The following SHISA9 variants were observed in gnomAD, a reference collection of about 807,000 sequenced individuals.
SHISA9 encodes protein shisa-9.
Under a neutral mutation model 38.0 loss-of-function variants are expected in SHISA9, and 13 were observed. The observed-to-expected ratio is 0.34, with a 90% confidence interval of 0.22 to 0.54. The LOEUF is 0.54. Among genes scored for constraint, SHISA9 ranks in the 20% least tolerant of loss-of-function variants. SHISA9 has a pLI of 0.91. For synonymous variants in SHISA9, 275 were observed against 242.0 expected, an observed-to-expected ratio of 1.14 and a Z score of -1.27; for missense variants, 538 against 575.8, an observed-to-expected ratio of 0.93 and a Z score of 0.67.
intron 2 of SHISA9, among the ~76,000 whole-genome samples, chr16:12,984,852 G>A (rs1353726565): frequency 6.6e-6 from 1 of 152,172 alleles, no homozygotes; most frequent in Admixed American, 6.5e-5. Flanking sequence ...AGTCTGTACG[G>A]CCTGAGGTGC....
At chr16:13,299,830 A>C in the SHISA9 span, among the ~76,000 whole-genome samples, 2 of 152,164 alleles carry the variant, frequency 1.3e-5, no homozygotes, top group African/African-American at 4.8e-5. Flanking sequence ...ACTCCCTGCT[A>C]CGTGTGCATG....
At chr16:13,311,662 A>G in the SHISA9 span, among the ~76,000 whole-genome samples, 1 of 152,120 alleles carries the variant, frequency 6.6e-6, no homozygotes, top group East Asian at 1.9e-4. Context: ...ACTCCAGACT[A>G]TCTGTATTTA....
At chr16:13,405,809 CT>C in the SHISA9 span, among the ~76,000 whole-genome samples, 2 of 151,880 alleles carry the variant, frequency 1.3e-5, no homozygotes, top group African/African-American at 4.8e-5. Flanking sequence ...TGATTTTATT[CT>C]TTTTTATGGC....
At chr16:13,366,517 C>T in the SHISA9 span, among the ~76,000 whole-genome samples, 1 of 152,108 alleles carries the variant, frequency 6.6e-6, no homozygotes, top group Non-Finnish European at 1.5e-5. Context: ...ATCAATGCTG[C>T]CCATACCTAG....
At chr16:12,933,763 C>T (rs1318819903) in intron 2 of SHISA9, among the ~76,000 whole-genome samples, 1 of 152,004 alleles carries the variant, frequency 6.6e-6, no homozygotes. Flanking sequence ...CACATTCATT[C>T]AACAAATCTT....
chr16:13,119,589 TA>T (rs2074065552), intron 2 of SHISA9, among the ~76,000 whole-genome samples: 1 of 152,214 alleles, frequency 6.6e-6, no homozygotes. Context: ...TAATCATTAA[TA>T]ATCACGAATA....
At chr16:12,986,439 G>T (rs1170708765) in intron 2 of SHISA9, among the ~76,000 whole-genome samples, 1 of 152,124 alleles carries the variant, frequency 6.6e-6, no homozygotes, top group Non-Finnish European at 1.5e-5. Context: ...CAAGTATTTT[G>T]TGTTTTGTGG....
At chr16:13,132,164 A>G (rs139616282) in intron 2 of SHISA9, among the ~76,000 whole-genome samples, 217 of 152,280 alleles carry the variant, frequency 1.4e-3, no homozygotes, top group African/African-American at 4.7e-3. Context: ...GAGGCAGACA[A>G]TCGAGGTGTG....
intron 2 of SHISA9, among the ~76,000 whole-genome samples, chr16:12,947,519 G>C (rs1031292749): frequency 2.6e-5 from 4 of 152,176 alleles, no homozygotes; most frequent in African/African-American, 9.7e-5. Flanking sequence ...GCAGCAAAAG[G>C]AGAAAAGGAT....
the SHISA9 span, among the ~76,000 whole-genome samples, chr16:13,271,885 C>T: frequency 6.6e-6 from 1 of 151,882 alleles, no homozygotes; most frequent in African/African-American, 2.4e-5. Context: ...AGTTCGAGAC[C>T]AGCCTGAACA....
chr16:13,006,569 T>C (rs757568366), intron 2 of SHISA9, among the ~76,000 whole-genome samples: 1 of 152,242 alleles, frequency 6.6e-6, no homozygotes, highest in African/African-American at 2.4e-5. Context: ...TGTTCATTAT[T>C]GTATTGCCAG....
At chr16:13,386,376 C>T in the SHISA9 span, among the ~76,000 whole-genome samples, 17 of 152,214 alleles carry the variant, frequency 1.1e-4, no homozygotes, top group East Asian at 9.6e-4. Flanking sequence ...TACTTTAATG[C>T]GAGTTCTATG....
chr16:13,223,800 G>T (rs1365864036), intron 4 of SHISA9, among the ~76,000 whole-genome samples: 2 of 152,188 alleles, frequency 1.3e-5, no homozygotes, highest in South Asian at 4.1e-4. Context: ...GAGGGCATGT[G>T]CAGAGGAATT....
chr16:13,336,561 C>T, the SHISA9 span, among the ~76,000 whole-genome samples: 89 of 152,318 alleles, frequency 5.8e-4, no homozygotes, highest in Non-Finnish European at 1.1e-3. Context: ...TTGGAGGTTA[C>T]ATTCTCTCCT....
At chr16:12,967,121 G>T (rs917448113) in intron 2 of SHISA9, among the ~76,000 whole-genome samples, 1 of 152,192 alleles carries the variant, frequency 6.6e-6, no homozygotes, top group Non-Finnish European at 1.5e-5. Flanking sequence ...TATGTTTATT[G>T]CCGCACTATT....
chr16:13,339,760 G>C, the SHISA9 span, among the ~76,000 whole-genome samples: 11 of 152,156 alleles, frequency 7.2e-5, no homozygotes, highest in African/African-American at 2.4e-4. Context: ...AGTTTGTTGA[G>C]TAACCTGCTC....
At chr16:13,517,290 C>T in the SHISA9 span, among the ~76,000 whole-genome samples, 193 of 152,234 alleles carry the variant, frequency 1.3e-3, no homozygotes, top group African/African-American at 4.4e-3. Context: ...AAAGGAACTA[C>T]CCTGAAGATA....
the SHISA9 span, among the ~76,000 whole-genome samples, chr16:13,535,630 G>T: frequency 2.0e-5 from 3 of 152,156 alleles, no homozygotes; most frequent in African/African-American, 7.2e-5. Context: ...TTACTGTTTG[G>T]CTCCTTGCAA....
At chr16:13,063,069 C>T (rs750700299) in intron 2 of SHISA9, among the ~76,000 whole-genome samples, 80 of 152,122 alleles carry the variant, frequency 5.3e-4, no homozygotes, top group African/African-American at 1.3e-3. Flanking sequence ...TGCAGTGATG[C>T]GATCTCAGCT....
Sources: gnomAD v4.1 joint callset for allele counts (sites outside exome capture counted in the v4.1 genomes callset) on GRCh38, gnomAD v4.1.1 for gene constraint, MANE v1.5 for transcripts, NCBI Gene and HGNC (gene_info 2026-07-23, HGNC 2026-07-21) for gene names.